The following MCC variants were observed in gnomAD, a reference collection of about 807,000 sequenced individuals.
The protein encoded by MCC is colorectal mutant cancer protein.
MCC carries 90 observed loss-of-function variants against 116.2 expected under a neutral mutation model. The observed-to-expected ratio is 0.77, with a 90% CI of 0.65 to 0.92. The LOEUF (loss-of-function observed/expected upper bound fraction) is 0.92, where lower values mean the gene tolerates loss of function less well. Among genes scored for constraint, MCC ranks in the 40% least tolerant of loss-of-function variants. The pLI, the probability that MCC is intolerant of heterozygous loss-of-function variation, is 0.00. For missense variants in MCC, 1,516 were observed against 1,312.2 expected, an observed-to-expected ratio of 1.16 and a Z score of -2.40; for synonymous variants, 578 against 510.5, an observed-to-expected ratio of 1.13 and a Z score of -1.78.
chr5:113,101,839 T>C lies in MCC; in HGVS notation c.1298A>G (p.Glu433Gly), dbSNP rs762780781. ...KELAGLREENESLTAMLCSKE... is the reference protein window; with the variant it reads ...KELAGLREENGSLTAMLCSKE... ...GCTGCACAGCATGGCAGTCAGGCTC[T>C]CATTCTCTTCCCTCAGCCCAGCCAG... The change falls in exon 8 of 19, where the codon GAG (glutamate) becomes GGG (glycine). Residue 433 changes from glutamate to glycine, a missense_variant. Physicochemically the swap from Glu to Gly is moderately conservative, Grantham distance 98. Coordinates refer to ENST00000408903, the MANE Select transcript of MCC (RefSeq NM_001085377.2). 1.2e-5 allele frequency: 20 copies of C among 1,613,546 alleles called. No individual in the cohort carries two copies. Among genetic ancestry groups the C allele is most frequent in the Non-Finnish European group, 1.6e-5 (19 of 1,180,022 alleles).
chr5:113,173,344 T>C (rs1761168255), intron 3 of MCC, among the ~76,000 whole-genome samples: 1 of 152,212 alleles, frequency 6.6e-6, no homozygotes, highest in African/African-American at 2.4e-5. Flanking sequence ...ACTTTGTACT[T>C]TTCATTTATT....
At chr5:113,311,563 AC>A (rs1455457882) in intron 3 of MCC, among the ~76,000 whole-genome samples, 1 of 152,166 alleles carries the variant, frequency 6.6e-6, no homozygotes, top group Non-Finnish European at 1.5e-5. Context: ...CCTGCAACTG[AC>A]CCCAAATACA....
intron 1 of MCC, among the ~76,000 whole-genome samples, chr5:113,423,571 A>T (rs1042289509): frequency 3.3e-5 from 5 of 152,238 alleles, no homozygotes; most frequent in African/African-American, 1.2e-4. Flanking sequence ...TGATTAGAAC[A>T]ACTAAATTTC....
At chr5:113,383,813 C>T (rs936287808) in intron 2 of MCC, among the ~76,000 whole-genome samples, 1 of 152,090 alleles carries the variant, frequency 6.6e-6, no homozygotes, top group African/African-American at 2.4e-5. Context: ...TGTATGTGGA[C>T]ATTTTTATTG....
chr5:113,212,037 C>T (rs933976471), intron 3 of MCC, among the ~76,000 whole-genome samples: 1 of 152,046 alleles, frequency 6.6e-6, no homozygotes, highest in Non-Finnish European at 1.5e-5. Context: ...CAGTAAGATC[C>T]CAGACAATTA....
chr5:113,110,438 T>C (rs558495930), intron 6 of MCC, among the ~76,000 whole-genome samples: 141 of 152,354 alleles, frequency 9.3e-4, no homozygotes, highest in South Asian at 8.3e-3. Flanking sequence ...AAGGTGTTTT[T>C]GGCAACAGAC....
At chr5:113,324,686 G>A (rs561074345) in intron 3 of MCC, among the ~76,000 whole-genome samples, 3 of 152,286 alleles carry the variant, frequency 2.0e-5, no homozygotes, top group Non-Finnish European at 2.9e-5. Context: ...TCTAAAGGTA[G>A]CACTGGCAAT....
At chr5:113,416,698 T>C (rs985611456) in intron 1 of MCC, among the ~76,000 whole-genome samples, 1 of 152,012 alleles carries the variant, frequency 6.6e-6, no homozygotes, top group African/African-American at 2.4e-5. Flanking sequence ...GAAAACAAAA[T>C]AGCATGAGAG....
intron 17 of MCC, among the ~76,000 whole-genome samples, chr5:113,032,322 C>T (rs957422892): frequency 4.7e-5 from 7 of 150,348 alleles, no homozygotes; most frequent in African/African-American, 1.2e-4. Flanking sequence ...GCAGGAGAAT[C>T]GCTTGAACCT....
intron 3 of MCC, among the ~76,000 whole-genome samples, chr5:113,189,987 C>T (rs1468859990): frequency 1.3e-5 from 2 of 152,198 alleles, no homozygotes; most frequent in African/African-American, 4.8e-5. Flanking sequence ...TAATGGACCA[C>T]TCAGGGGCCT....
intron 3 of MCC, among the ~76,000 whole-genome samples, chr5:113,262,812 T>A (rs1190492097): frequency 2.0e-5 from 3 of 152,094 alleles, no homozygotes. Context: ...GAAATGGGCT[T>A]GATAATTTGC....
chr5:113,378,683 T>C (rs982206528), intron 2 of MCC, among the ~76,000 whole-genome samples: 7 of 152,172 alleles, frequency 4.6e-5, no homozygotes, highest in Non-Finnish European at 1.0e-4. Context: ...CCTCAGGCAA[T>C]CCCTGCCCCT....
At chr5:113,295,173 A>T (rs1038820887) in intron 3 of MCC, among the ~76,000 whole-genome samples, 16 of 130,754 alleles carry the variant, frequency 1.2e-4, no homozygotes, top group Middle Eastern at 3.4e-3. Context: ...GCAGGAAATT[A>T]AAAAAAAAAA....
rs1750289548 is a variant in MCC at position 113,023,322 on chromosome 5, T to TC, written c.*3979_*3980insG. 1 of 152,234 alleles carries TC rather than the reference T, an allele frequency of 6.6e-6. No homozygotes were observed. Among genetic ancestry groups the TC allele is most frequent in the Non-Finnish European group, 1.5e-5 (1 of 68,042 alleles). 9.4% of individuals were successfully genotyped at this position (152,234 alleles called of 1,614,324 possible). Reference sequence around the variant, plus strand: ...CCAGTTACGCCTCTTCTGTAAACTCTATAAGAGTGCTCAAAGGTGAATCAA... The same window carrying TC: ...CCAGTTACGCCTCTTCTGTAAACTCTCATAAGAGTGCTCAAAGGTGAATCAA... On this transcript the variant is annotated 3_prime_UTR_variant, in exon 19 of 19. Transcript: ENST00000408903.
chr5:113,183,783 G>T (rs1761747899), intron 3 of MCC, among the ~76,000 whole-genome samples: 1 of 152,156 alleles, frequency 6.6e-6, no homozygotes, highest in Non-Finnish European at 1.5e-5. Context: ...AGGGGCAAAT[G>T]GTCAGAATTC....
At chr5:113,064,312 C>G (rs2150229911) in intron 13 of MCC, 145 bp from the exon 14 acceptor site, 1 of 707,610 alleles carries the variant, frequency 1.4e-6, no homozygotes, top group Non-Finnish European at 2.3e-6. Flanking sequence ...AAGAGAAGAT[C>G]TGTGTTCTGG....
At chr5:113,122,537 G>T in intron 6 of MCC, 147 bp downstream of exon 6, 3 of 814,118 alleles carry the variant, frequency 3.7e-6, no homozygotes, top group Non-Finnish European at 5.8e-6. Context: ...AAAGTAATGT[G>T]TAAGGGACTG....
intron 3 of MCC, among the ~76,000 whole-genome samples, chr5:113,224,253 C>T (rs1006291786): frequency 1.3e-5 from 2 of 152,108 alleles, no homozygotes; most frequent in East Asian, 1.9e-4. Flanking sequence ...CGACCACATC[C>T]GGCTAATTTT....
intron 11 of MCC, among the ~76,000 whole-genome samples, chr5:113,080,543 T>C (rs1754778922): frequency 6.6e-6 from 1 of 152,146 alleles, no homozygotes; most frequent in South Asian, 2.1e-4. Context: ...CTCAGCAAAC[T>C]ATCACAAGGA....
Sources: allele counts gnomAD v4.1 joint callset (sites outside exome capture counted in the v4.1 genomes callset), GRCh38; gene constraint gnomAD v4.1.1; transcripts MANE v1.5; gene names NCBI Gene and HGNC (gene_info 2026-07-23, HGNC 2026-07-21).